Variants in MTA1 observed in about 807,000 individuals in gnomAD.
The protein encoded by MTA1 is metastasis associated 1, also known as metastasis-associated protein MTA1.
In MTA1, 15 loss-of-function variants were observed where a neutral mutation model predicts 97.0. That is an observed-to-expected ratio of 0.15 (90% CI 0.10 to 0.24). MTA1 has a LOEUF of 0.24. Among genes scored for constraint, MTA1 ranks in the 10% least tolerant of loss-of-function variants. MTA1 has a pLI of 1.00. For synonymous variants in MTA1, 435 were observed against 417.5 expected, an observed-to-expected ratio of 1.04 and a Z score of -0.51; for missense variants, 709 against 1,015.1, an observed-to-expected ratio of 0.70 and a Z score of 4.10.
At position 105,420,798 on chromosome 14, in the gene MTA1, C is replaced by T. The variant is rs781866006; in HGVS notation, c.28+735C>T. Reference sequence around the variant, plus strand: ...CCGGGCCTGCAGCTTTGAGCCTTGCCCTCCTTCGTGTGCCTGGGACTCCGT... The same window carrying T: ...CCGGGCCTGCAGCTTTGAGCCTTGCTCTCCTTCGTGTGCCTGGGACTCCGT... On this transcript the variant is annotated intron_variant, in intron 1 of 20. Transcript: ENST00000331320. The surrounding 1 kb of genome is among the most constrained non-coding windows in gnomAD (Gnocchi z 5.3). Among the ~76,000 whole-genome samples the T allele has an allele frequency of 2.0e-5, 3 of 152,344 alleles. No individual in the cohort carries two copies. The highest frequency in any genetic ancestry group is 4.1e-4 in the South Asian group (2 of 4,828).
At chr14:105,467,250 C>T (rs1308668351) in intron 18 of MTA1, 4 of 366,992 alleles carry the variant, frequency 1.1e-5, no homozygotes, top group South Asian at 8.0e-5. Context: ...GGACCCCAGG[C>T]CCCTTGGGGA....
At chr14:105,431,582 A>T (rs984041378) in intron 1 of MTA1, among the ~76,000 whole-genome samples, 3 of 152,212 alleles carry the variant, frequency 2.0e-5, no homozygotes, top group Admixed American at 2.0e-4. Context: ...TATTCATTCT[A>T]TTACTTGTTG....
intron 18 of MTA1, chr14:105,469,028 C>G (rs1324689394): frequency 2.7e-6 from 1 of 372,342 alleles, no homozygotes; most frequent in South Asian, 1.9e-5. Context: ...GCTGGCGGCT[C>G]TCTCAGAGCC....
At chr14:105,462,834 A>C (rs587608289) in intron 10 of MTA1, among the ~76,000 whole-genome samples, 1 of 152,208 alleles carries the variant, frequency 6.6e-6, no homozygotes, top group East Asian at 1.9e-4. Flanking sequence ...GTACTACTGC[A>C]CTCCAGCCTG....
intron 8 of MTA1, among the ~76,000 whole-genome samples, chr14:105,458,898 C>G (rs2083253685): frequency 1.3e-5 from 2 of 152,344 alleles, no homozygotes; most frequent in East Asian, 3.9e-4. Context: ...GGGCCCTACT[C>G]CGCAGCCTGG....
chr14:105,431,446 T>A (rs2082175748), intron 1 of MTA1, among the ~76,000 whole-genome samples: 1 of 152,004 alleles, frequency 6.6e-6, no homozygotes, highest in Admixed American at 6.6e-5. Flanking sequence ...GTAACCAACA[T>A]CAGGAACAAC....
At chr14:105,469,209 G>T in intron 18 of MTA1, 1 of 616,524 alleles carries the variant, frequency 1.6e-6, no homozygotes, top group Non-Finnish European at 3.0e-6. Context: ...TGACTGTCGG[G>T]TCCAAGGCTC....
At chr14:105,453,360 G>T (rs1268719700) in intron 6 of MTA1, among the ~76,000 whole-genome samples, 1 of 152,248 alleles carries the variant, frequency 6.6e-6, no homozygotes. Flanking sequence ...GATAGGGATG[G>T]CTTTGTAGCC....
chr14:105,470,345 C>A lies in MTA1; in HGVS notation c.*130C>A. On this transcript the variant is annotated 3_prime_UTR_variant, in exon 21 of 21. Transcript: ENST00000331320. The stretch of plus-strand genomic sequence containing the variant: ...GCCCTCACCTGCAGAGAAACGCGCT[C>A]CTTGGCGGACACTGGGGGAGGAGAG... The A allele has an allele frequency of 1.4e-6, 1 of 724,422 alleles. No individual in the cohort carries two copies. The highest frequency in any genetic ancestry group is 2.3e-5 in the South Asian group (1 of 43,224). The allele number at this position is 724,422 out of a possible 1,614,324, so 44.9% of individuals were successfully genotyped here. A position where few individuals can be genotyped will look rare whatever the true frequency, so the allele number is the denominator to read the frequency against.
chr14:105,433,070 A>C (rs1346996895), intron 1 of MTA1, among the ~76,000 whole-genome samples: 1 of 152,158 alleles, frequency 6.6e-6, no homozygotes, highest in Non-Finnish European at 1.5e-5. Context: ...AATACAGCAG[A>C]GCATTTCTGC....
rs781916590 is a variant in MTA1 at position 105,424,869 on chromosome 14, G to T, written c.28+4806G>T. Among the ~76,000 whole-genome samples the T allele has an allele frequency of 1.1e-4, 17 of 152,252 alleles. No individual in the cohort carries two copies. The highest frequency in any genetic ancestry group is 2.1e-4 in the South Asian group (1 of 4,838). ...AAAAAAGTAGCTGTCAGTGAGAGAT[G>T]TTGGAATATATGGTCCAATGAAGCA... On this transcript the variant is annotated intron_variant, in intron 1 of 20. Coordinates refer to ENST00000331320, the MANE Select transcript of MTA1 (RefSeq NM_004689.4). The surrounding 1 kb of genome is among the most constrained non-coding windows in gnomAD (Gnocchi z 4.0).
At chr14:105,468,371 G>A (rs782311663) in intron 18 of MTA1, 76 of 1,303,942 alleles carry the variant, frequency 5.8e-5, no homozygotes, top group African/African-American at 4.9e-4. Flanking sequence ...TTGTGCTACT[G>A]GCCAGCCCTG....
intron 6 of MTA1, among the ~76,000 whole-genome samples, chr14:105,451,783 GTTT>G (rs869240296): frequency 6.4e-5 from 2 of 31,374 alleles, no homozygotes; most frequent in African/African-American, 1.4e-4. Context: ...TTCTTTTTTT[GTTT>G]TTTTTTTTTT....
At chr14:105,458,162 A>G (rs2083222479) in intron 7 of MTA1, 108 bp from the exon 8 acceptor site, 1 of 868,794 alleles carries the variant, frequency 1.2e-6, no homozygotes, top group South Asian at 1.5e-5. Context: ...GGGGCCCTGC[A>G]GCCCTTCCCC....
chr14:105,457,757 G>A (rs2083206618), intron 7 of MTA1, among the ~76,000 whole-genome samples: 1 of 152,094 alleles, frequency 6.6e-6, no homozygotes, highest in Non-Finnish European at 1.5e-5. Context: ...GAAACCCCGT[G>A]TCTACTGAAA....
At chr14:105,456,281 G>T (rs2083149561) in intron 7 of MTA1, among the ~76,000 whole-genome samples, 1 of 152,270 alleles carries the variant, frequency 6.6e-6, no homozygotes, top group Non-Finnish European at 1.5e-5. Flanking sequence ...TCAGGTCAGA[G>T]GCCCTCAGCT....
At chr14:105,468,829 G>A (rs1272151012) in intron 18 of MTA1, 25 of 273,030 alleles carry the variant, frequency 9.2e-5, no homozygotes, top group East Asian at 7.2e-4. Context: ...GGGCAGCGGC[G>A]GTCCTGGGCC....
rs895948883 is a variant in MTA1 at position 105,470,497 on chromosome 14, G to A, written c.*282G>A. The A allele has an allele frequency of 3.9e-5, 15 of 387,046 alleles. No homozygotes were observed. The highest frequency in any genetic ancestry group is 2.7e-4 in the South Asian group (5 of 18,384). The allele number at this position is 387,046 out of a possible 1,614,324, so 24.0% of individuals were successfully genotyped here. ...CCCTGTGCTGCGGGGCCTTTTGCCC[G>A]GAGGCCGGGCCCTAAGGTTTTGTTG... On this transcript the variant is annotated 3_prime_UTR_variant, in exon 21 of 21. Coordinates refer to ENST00000331320, the MANE Select transcript of MTA1 (RefSeq NM_004689.4).
At position 105,463,441 on chromosome 14, in the gene MTA1, G is replaced by C. The variant is rs368375983; in HGVS notation, c.1018-52G>C. Reference sequence around the variant, plus strand: ...TAGCCTCCAGCCTGTCTGCACTGCAGCCCCAACCTGGGCCTAGCCTGCTGA... The same window carrying C: ...TAGCCTCCAGCCTGTCTGCACTGCACCCCCAACCTGGGCCTAGCCTGCTGA... On this transcript the variant is annotated intron_variant, in intron 11 of 20. Coordinates refer to ENST00000331320, the MANE Select transcript of MTA1 (RefSeq NM_004689.4). This position sits in a 1 kb window ranked among gnomAD's most constrained non-coding sequence, Gnocchi z 5.9. The C allele has an allele frequency of 7.7e-5, 123 of 1,600,898 alleles. 1 individual carries two copies. The African/African-American group carries it at 1.3e-3, about 17-fold the overall frequency.
Sources: gnomAD v4.1 joint callset for allele counts (sites outside exome capture counted in the v4.1 genomes callset) on GRCh38, gnomAD v4.1.1 for gene constraint, Gnocchi (gnomAD v3.1) non-coding constraint, MANE v1.5 for transcripts, NCBI Gene and HGNC (gene_info 2026-07-23, HGNC 2026-07-21) for gene names.